The following GPKOW variants were observed in gnomAD, a reference collection of about 807,000 sequenced individuals.
The protein encoded by GPKOW is G-patch domain and KOW motifs.
For missense variants in GPKOW, 359 were observed against 404.7 expected, an observed-to-expected ratio of 0.89 and a Z score of 0.97; for synonymous variants, 167 against 159.1, an observed-to-expected ratio of 1.05 and a Z score of -0.37.
chrX:49,114,922 C>CAAAAAAAA (rs1169588195), intron 9 of GPKOW, among the ~76,000 whole-genome samples: 1 of 45,588 alleles, frequency 2.2e-5, no homozygotes, highest in African/African-American at 1.3e-4. Flanking sequence ...GACTCTGTTT[C>CAAAAAAAA]AAAAAAAAAA....
intron 7 of GPKOW, 71 bp from the exon 8 acceptor site, chrX:49,116,085 TATGCTATGAAACCCACCCACA>T: frequency 8.5e-7 from 1 of 1,178,575 alleles, no homozygotes; most frequent in Non-Finnish European, 1.2e-6. Context: ...TCCCTTTGCC[TATGCTATGAAACCCACCCACA>T]ATGCAGTTCC....
chrX:49,122,593 A>G (rs781911429), intron 2 of GPKOW, 29 bp downstream of exon 2: 24 of 1,205,770 alleles, frequency 2.0e-5, no homozygotes, highest in South Asian at 8.8e-5. Flanking sequence ...TCTTCCTTCA[A>G]TGGGGAAGGG....
intron 6 of GPKOW, 66 bp downstream of exon 6, chrX:49,116,964 A>G: frequency 9.8e-7 from 1 of 1,025,345 alleles, no homozygotes; most frequent in Admixed American, 2.3e-5. Context: ...CCACCCCATT[A>G]GCCAGGCCCT....
intron 6 of GPKOW, 152 bp downstream of exon 6, chrX:49,116,878 T>C (rs1191161610): frequency 1.1e-5 from 5 of 461,778 alleles, no homozygotes; most frequent in Non-Finnish European, 1.8e-5. Flanking sequence ...CTTATGTCCA[T>C]TCTCACCTCC....
At chrX:49,122,306 C>T in intron 3 of GPKOW, 92 bp downstream of exon 3, 1 of 819,495 alleles carries the variant, frequency 1.2e-6, no homozygotes, top group Non-Finnish European at 1.7e-6. Flanking sequence ...CTCTAGCACA[C>T]ACACAGACTT....
intron 3 of GPKOW, among the ~76,000 whole-genome samples, chrX:49,121,161 T>G (rs1398399914): frequency 1.8e-5 from 2 of 110,829 alleles, no homozygotes; most frequent in Non-Finnish European, 3.8e-5. Flanking sequence ...GCACAGTGGC[T>G]CACGCCGGTA....
intron 3 of GPKOW, among the ~76,000 whole-genome samples, chrX:49,120,954 G>A (rs998211057): frequency 9.1e-6 from 1 of 110,442 alleles, no homozygotes; most frequent in Non-Finnish European, 1.9e-5. Context: ...GTGAGCCACC[G>A]CCCCTGGCTG....
intron 6 of GPKOW, 152 bp from the exon 7 acceptor site, chrX:49,116,475 T>C (rs2065194360): frequency 1.1e-5 from 5 of 451,499 alleles, no homozygotes; most frequent in Non-Finnish European, 2.0e-5. Context: ...TCACCCCTCA[T>C]GCATTTGCTA....
chrX:49,115,832 G>C (rs1053677077), intron 8 of GPKOW, 37 bp from the exon 9 acceptor site: 1 of 1,195,031 alleles, frequency 8.4e-7, no homozygotes, highest in Non-Finnish European at 1.1e-6. Context: ...AGATTTTAGA[G>C]AGGTAGGGGG....
chrX:49,116,393 T>A, intron 6 of GPKOW, 70 bp from the exon 7 acceptor site: 1 of 684,896 alleles, frequency 1.5e-6, no homozygotes, highest in Non-Finnish European at 2.4e-6. Context: ...AGAGCCTCAG[T>A]GTCTCACTGC....
chrX:49,115,807 G>A lies in GPKOW; in HGVS notation c.1141-12C>T, dbSNP rs2065191450. On this transcript the variant is annotated splice_polypyrimidine_tract_variant and intron_variant, in intron 8 of 10. Transcript: ENST00000156109. Reference sequence around the variant, plus strand: ...TCTTCAATTATCATCTGGGGATACAGGTCAGGGGGATGTGAGATTTTAGAG... The same window carrying A: ...TCTTCAATTATCATCTGGGGATACAAGTCAGGGGGATGTGAGATTTTAGAG... 1 of 1,197,678 alleles carries A rather than the reference G, an allele frequency of 8.3e-7. No homozygotes were observed. Among genetic ancestry groups the A allele is most frequent in the African/African-American group, 1.8e-5 (1 of 57,001 alleles).
Position 49,113,531 on chromosome X carries a change from T to C in GPKOW, c.*90A>G, listed in dbSNP as rs782314404. On this transcript the variant is annotated 3_prime_UTR_variant, in exon 11 of 11. Coordinates refer to ENST00000156109, the MANE Select transcript of GPKOW (RefSeq NM_015698.6). ...CCAGGACTGCACCAGAAGTAGAGGA[T>C]GGAACAATGATCTTCCCACCTTCTG... is the stretch of plus-strand genomic sequence containing the variant. The C allele has an allele frequency of 1.7e-5, 15 of 899,102 alleles. No homozygotes were observed. The highest frequency in any genetic ancestry group is 2.7e-4 in the Middle Eastern group (1 of 3,697). The allele number at this position is 899,102 out of a possible 1,213,427, so 74.1% of individuals were successfully genotyped here.
At chrX:49,119,882 T>G in intron 3 of GPKOW, 68 bp from the exon 4 acceptor site, 1 of 607,059 alleles carries the variant, frequency 1.6e-6, no homozygotes, top group Non-Finnish European at 2.7e-6. Context: ...TGAAGTGCAC[T>G]TGCTGCCCCC....
intron 1 of GPKOW, among the ~76,000 whole-genome samples, chrX:49,123,187 G>A (rs1298416301): frequency 2.7e-5 from 3 of 110,830 alleles, no homozygotes; most frequent in Non-Finnish European, 5.7e-5. Context: ...CCATCAACCT[G>A]AATCTGCCGC....
chrX:49,119,264 C>A (rs1222885585), intron 4 of GPKOW, among the ~76,000 whole-genome samples: 1 of 110,326 alleles, frequency 9.1e-6, no homozygotes, highest in Non-Finnish European at 1.9e-5. Flanking sequence ...GCCCTAATTT[C>A]TTTTCTTAAA....
chrX:49,119,252 C>A (rs181922472), intron 4 of GPKOW, among the ~76,000 whole-genome samples: 1 of 110,348 alleles, frequency 9.1e-6, no homozygotes, highest in East Asian at 2.8e-4. Context: ...CCACCACACC[C>A]GGCCCTAATT....
chrX:49,123,142 A>C (rs781963309), intron 1 of GPKOW, among the ~76,000 whole-genome samples: 1 of 110,465 alleles, frequency 9.1e-6, no homozygotes, highest in African/African-American at 3.3e-5. Flanking sequence ...CAGACCCCTC[A>C]GACACTCCTC....
At position 49,123,429 on chromosome X, in the gene GPKOW, C is replaced by T. The variant is rs782131725; in HGVS notation, c.176+118G>A. On this transcript the variant is annotated intron_variant, in intron 1 of 10. Transcript: ENST00000156109. ...CCGCCTTCTGGCCTCCACGAATTTA[C>T]TCAGGCTGTGCTTCAGGCTTAACAG... is the stretch of plus-strand genomic sequence containing the variant. 1.2e-5 allele frequency: 9 copies of T among 768,803 alleles called. No individual in the cohort carries two copies. In the East Asian group the frequency reaches 2.9e-4, roughly 25 times the overall value. 63.4% of individuals were successfully genotyped at this position (768,803 alleles called of 1,213,427 possible). A position where few individuals can be genotyped will look rare whatever the true frequency, so the allele number is the denominator to read the frequency against.
rs782117251 is a variant in GPKOW at position 49,117,712 on chromosome X, C to T, written c.665G>A (p.Arg222His). 8.3e-6 allele frequency: 10 copies of T among 1,208,203 alleles called. No homozygotes were observed. The Admixed American group carries it at 1.1e-4, about 13-fold the overall frequency. ...TTGCTCCTCATCTGGTCTTGGCATGCGGGAGGGGCCAGTGGGGGTCAAGGC... is the reference window on the plus strand; with the variant it reads ...TTGCTCCTCATCTGGTCTTGGCATGTGGGAGGGGCCAGTGGGGGTCAAGGC... Reference protein sequence around the residue: ...AQALTPTGPSRMPRPDEEQEK... With the variant: ...AQALTPTGPSHMPRPDEEQEK... Residue 222 changes from arginine to histidine, a missense_variant, in exon 5 of 11, where the codon CGC becomes CAC. By Grantham distance (29) the Arg-to-His change is conservative. Transcript: ENST00000156109.
Sources: allele counts gnomAD v4.1 joint callset (sites outside exome capture counted in the v4.1 genomes callset), GRCh38; gene constraint gnomAD v4.1.1; transcripts MANE v1.5; gene names NCBI Gene and HGNC (gene_info 2026-07-23, HGNC 2026-07-21).